The following ERI3 variants were observed in gnomAD, a reference collection of about 807,000 sequenced individuals.
ERI3 encodes ERI1 exoribonuclease 3.
Under a neutral mutation model 44.4 loss-of-function variants are expected in ERI3, and 18 were observed. The ratio of observed to expected loss-of-function variants is 0.41; its 90% confidence interval spans 0.28 to 0.60. ERI3 has a LOEUF of 0.60. ERI3 is among the 20% of genes least tolerant of loss of function. The probability of loss-of-function intolerance (pLI) is 0.36; values close to 1 mark genes in which losing one functional copy is unlikely to be tolerated. For missense variants in ERI3, 294 were observed against 435.5 expected, an observed-to-expected ratio of 0.68 and a Z score of 2.89; for synonymous variants, 183 against 164.8, an observed-to-expected ratio of 1.11 and a Z score of -0.84.
intron 7 of ERI3, among the ~76,000 whole-genome samples, chr1:44,272,416 T>C (rs1272971933): frequency 1.3e-5 from 2 of 152,198 alleles, no homozygotes; most frequent in African/African-American, 2.4e-5. Flanking sequence ...CACAGCAGTT[T>C]CTAGCTGTGA....
At chr1:44,223,511 T>A (rs1643954909) in intron 8 of ERI3, among the ~76,000 whole-genome samples, 2 of 152,132 alleles carry the variant, frequency 1.3e-5, no homozygotes, top group Admixed American at 1.3e-4. Context: ...CTGTCTCCGG[T>A]ACCCTAGGGA....
At chr1:44,298,529 C>T (rs991560558) in intron 6 of ERI3, among the ~76,000 whole-genome samples, 2 of 152,146 alleles carry the variant, frequency 1.3e-5, no homozygotes, top group African/African-American at 4.8e-5. Context: ...TAGTATAATA[C>T]AATGGAATAC....
intron 3 of ERI3, among the ~76,000 whole-genome samples, chr1:44,325,584 A>G (rs1646295519): frequency 6.6e-6 from 1 of 152,232 alleles, no homozygotes; most frequent in Non-Finnish European, 1.5e-5. Flanking sequence ...TAGAATAACA[A>G]CAAGAGGATT....
intron 6 of ERI3, among the ~76,000 whole-genome samples, chr1:44,296,823 G>T (rs1449721111): frequency 6.6e-6 from 1 of 152,188 alleles, no homozygotes; most frequent in African/African-American, 2.4e-5. Flanking sequence ...AGCTGACCTA[G>T]TTGGGAAAGG....
chr1:44,325,212 G>A (rs1194948024), intron 3 of ERI3, among the ~76,000 whole-genome samples: 1 of 151,864 alleles, frequency 6.6e-6, no homozygotes, highest in Non-Finnish European at 1.5e-5. Flanking sequence ...CAAGTAGCTG[G>A]GATTACAGGC....
intron 2 of ERI3, among the ~76,000 whole-genome samples, chr1:44,340,466 G>T (rs952438974): frequency 6.6e-6 from 1 of 152,296 alleles, no homozygotes; most frequent in South Asian, 2.1e-4. Context: ...TCTGATGGCT[G>T]CAAGTGGGCA....
intron 6 of ERI3, among the ~76,000 whole-genome samples, chr1:44,292,935 A>C (rs1051861520): frequency 3.3e-5 from 5 of 152,186 alleles, no homozygotes; most frequent in African/African-American, 1.2e-4. Context: ...GTCTATAAGC[A>C]GCCCATCAGC....
In ERI3 at chr1:44,354,987, G is replaced by GC; in HGVS notation, c.39dup (p.Arg14AlafsTer139). ...GAGACCAGCCCTCCTTCCCAGGGCC[G>GC]CCCCCGCCCCCCGTCAGCAGCGGGA... is the stretch of plus-strand genomic sequence containing the variant. On this transcript the variant is annotated frameshift_variant, in exon 1 of 9. Transcript: ENST00000372257. LOFTEE classifies it high-confidence loss of function. 1 of 1,370,044 alleles carries GC rather than the reference G, an allele frequency of 7.3e-7. No homozygotes were observed. The highest frequency in any genetic ancestry group is 9.5e-7 in the Non-Finnish European group (1 of 1,056,376). 84.9% of individuals were successfully genotyped at this position (1,370,044 alleles called of 1,614,324 possible). A position where few individuals can be genotyped will look rare whatever the true frequency, so the allele number is the denominator to read the frequency against.
At chr1:44,344,773 T>C (rs1020993017) in intron 2 of ERI3, among the ~76,000 whole-genome samples, 4 of 152,230 alleles carry the variant, frequency 2.6e-5, no homozygotes, top group African/African-American at 9.6e-5. Context: ...TACACATTTA[T>C]TCTCAGACAT....
At chr1:44,261,275 C>G (rs1301484496) in intron 7 of ERI3, among the ~76,000 whole-genome samples, 1 of 152,266 alleles carries the variant, frequency 6.6e-6, no homozygotes, top group Non-Finnish European at 1.5e-5. Context: ...CCCCAGCGGG[C>G]AGGGCGCACA....
intron 6 of ERI3, among the ~76,000 whole-genome samples, chr1:44,307,988 A>AT (rs1240909058): frequency 2.0e-5 from 3 of 151,870 alleles, no homozygotes; most frequent in Non-Finnish European, 2.9e-5. Context: ...TTGGCTTAAA[A>AT]TTTTTTTTTC....
intron 8 of ERI3, among the ~76,000 whole-genome samples, chr1:44,238,667 C>T (rs1273521296): frequency 1.3e-5 from 2 of 152,094 alleles, no homozygotes; most frequent in East Asian, 3.9e-4. Flanking sequence ...TGAGAGCCTC[C>T]TCTCCCCTTC....
intron 8 of ERI3, among the ~76,000 whole-genome samples, chr1:44,247,521 A>C (rs1644579686): frequency 1.3e-5 from 2 of 152,142 alleles, no homozygotes; most frequent in South Asian, 4.1e-4. Flanking sequence ...TAAATAATTC[A>C]TCTCCTTAAC....
intron 7 of ERI3, among the ~76,000 whole-genome samples, chr1:44,267,043 A>G (rs1645003572): frequency 6.6e-6 from 1 of 152,068 alleles, no homozygotes; most frequent in African/African-American, 2.4e-5. Context: ...AGTGCTAATG[A>G]TATTTGCCCC....
At chr1:44,276,451 A>G (rs1645183283) in intron 7 of ERI3, among the ~76,000 whole-genome samples, 1 of 152,210 alleles carries the variant, frequency 6.6e-6, no homozygotes, top group South Asian at 2.1e-4. Flanking sequence ...ATACACATAC[A>G]TCCTTATGGA....
chr1:44,297,933 C>A (rs1030276644), intron 6 of ERI3, among the ~76,000 whole-genome samples: 1 of 152,222 alleles, frequency 6.6e-6, no homozygotes, highest in African/African-American at 2.4e-5. Context: ...GTCACCCGTA[C>A]CAATATCAGC....
chr1:44,287,532 C>T (rs1379022438), intron 6 of ERI3, among the ~76,000 whole-genome samples: 1 of 152,226 alleles, frequency 6.6e-6, no homozygotes, highest in Admixed American at 6.5e-5. Flanking sequence ...GGCACAGTGA[C>T]ATTAACTACA....
At chr1:44,330,484 T>C (rs1390800175) in intron 3 of ERI3, among the ~76,000 whole-genome samples, 1 of 152,230 alleles carries the variant, frequency 6.6e-6, no homozygotes, top group Non-Finnish European at 1.5e-5. Flanking sequence ...CCCTGATGTT[T>C]GTCTCTCCCT....
At chr1:44,321,950 G>A (rs1219620413) in intron 3 of ERI3, among the ~76,000 whole-genome samples, 1 of 152,118 alleles carries the variant, frequency 6.6e-6, no homozygotes, top group African/African-American at 2.4e-5. Flanking sequence ...TTAAGCCCAT[G>A]ATACATTATG....
Sources: allele counts gnomAD v4.1 joint callset (sites outside exome capture counted in the v4.1 genomes callset), GRCh38; gene constraint gnomAD v4.1.1; transcripts MANE v1.5; gene names NCBI Gene and HGNC (gene_info 2026-07-23, HGNC 2026-07-21).